The following CNOT4 variants were observed in gnomAD, a reference collection of about 807,000 sequenced individuals.
The protein encoded by CNOT4 is CCR4-associated factor 4.
In CNOT4, 8 loss-of-function variants were observed where a neutral mutation model predicts 73.8. The observed-to-expected ratio is 0.11, with a 90% CI of 0.06 to 0.20. The LOEUF (loss-of-function observed/expected upper bound fraction) is 0.20, where lower values mean the gene tolerates loss of function less well. CNOT4 is among the 10% of genes least tolerant of loss of function. CNOT4 has a pLI of 1.00. For missense variants in CNOT4, 564 were observed against 883.4 expected (o/e 0.64, Z 4.58); for synonymous variants, 293 against 321.1 (o/e 0.91, Z 0.94).
Position 135,438,337 on chromosome 7 carries a change from C to T in CNOT4, c.-6G>A, listed in dbSNP as rs568988901. 4 of 1,583,142 alleles carry T rather than the reference C, an allele frequency of 2.5e-6. No individual in the cohort carries two copies. Among genetic ancestry groups the T allele is most frequent in the African/African-American group, 1.4e-5 (1 of 73,766 alleles). On this transcript the variant is annotated 5_prime_UTR_variant, in exon 2 of 12. In the 5' UTR this introduces an upstream ATG that the reference lacks. Coordinates refer to ENST00000541284, the MANE Select transcript of CNOT4 (RefSeq NM_001190850.2). ...GCATCAGGACTGCGAGACATCTTCA[C>T]GTTTATTAAACAGCAGCAAAAGTTT...
intron 1 of CNOT4, among the ~76,000 whole-genome samples, chr7:135,506,323 T>C (rs896363090): frequency 6.6e-6 from 1 of 152,130 alleles, no homozygotes; most frequent in Non-Finnish European, 1.5e-5. Flanking sequence ...ACAGCAAAAA[T>C]CTCTATAACC....
chr7:135,463,335 C>T (rs1384540774), intron 1 of CNOT4, among the ~76,000 whole-genome samples: 1 of 152,068 alleles, frequency 6.6e-6, no homozygotes, highest in East Asian at 1.9e-4. Context: ...GTCAGGAGTT[C>T]GAGACCAGTC....
chr7:135,384,614 T>G (rs997512763), intron 10 of CNOT4: 2 of 760,246 alleles, frequency 2.6e-6, no homozygotes, highest in African/African-American at 3.4e-5. Context: ...TACCACATGC[T>G]CGTCTCAGGA....
intron 7 of CNOT4, among the ~76,000 whole-genome samples, chr7:135,405,471 TGAA>T: frequency 6.6e-6 from 1 of 152,268 alleles, no homozygotes; most frequent in Middle Eastern, 3.4e-3. Flanking sequence ...TCAATCTAAA[TGAA>T]GATATTTCAA....
intron 1 of CNOT4, among the ~76,000 whole-genome samples, chr7:135,454,992 G>A (rs752130638): frequency 6.6e-6 from 1 of 152,188 alleles, no homozygotes; most frequent in African/African-American, 2.4e-5. Context: ...AGCCACAGTG[G>A]CTCACACTAG....
At chr7:135,430,551 A>G (rs1313056092) in intron 2 of CNOT4, among the ~76,000 whole-genome samples, 1 of 152,144 alleles carries the variant, frequency 6.6e-6, no homozygotes, top group Non-Finnish European at 1.5e-5. Context: ...AGGCTGAAGC[A>G]GGAGAATTGC....
At chr7:135,388,287 G>A (rs1796224152) in intron 10 of CNOT4, 4 of 984,780 alleles carry the variant, frequency 4.1e-6, no homozygotes, top group African/African-American at 3.5e-5. Context: ...AAAAACAATC[G>A]CCAACAATAT....
intron 1 of CNOT4, among the ~76,000 whole-genome samples, chr7:135,489,391 C>CTTTTTTTTT (rs71174525): frequency 3.5e-5 from 3 of 84,746 alleles, no homozygotes; most frequent in Non-Finnish European, 4.5e-5. Flanking sequence ...AGTCACATTT[C>CTTTTTTTTT]TTTTTTTTTT....
At chr7:135,479,907 C>CAA (rs1241146605) in intron 1 of CNOT4, among the ~76,000 whole-genome samples, 1 of 151,840 alleles carries the variant, frequency 6.6e-6, no homozygotes, top group Non-Finnish European at 1.5e-5. Flanking sequence ...CAAAACAAAA[C>CAA]AAAAAGAATT....
chr7:135,479,783 G>T (rs934862773), intron 1 of CNOT4, among the ~76,000 whole-genome samples: 8 of 151,950 alleles, frequency 5.3e-5, no homozygotes, highest in Non-Finnish European at 1.2e-4. Context: ...CCAGCTACTC[G>T]AGAGGCTGAG....
chr7:135,395,130 G>A (rs1456553188), intron 9 of CNOT4, among the ~76,000 whole-genome samples: 1 of 152,152 alleles, frequency 6.6e-6, no homozygotes. Flanking sequence ...CTTCATGCCT[G>A]TAATCCCAGC....
At chr7:135,377,053 G>A (rs1795560153) in intron 10 of CNOT4, among the ~76,000 whole-genome samples, 2 of 152,136 alleles carry the variant, frequency 1.3e-5, no homozygotes, top group Admixed American at 1.3e-4. Context: ...ATCTTTAAGA[G>A]TTCTTTCTCA....
At chr7:135,435,569 G>A (rs368914852) in intron 2 of CNOT4, among the ~76,000 whole-genome samples, 4 of 151,894 alleles carry the variant, frequency 2.6e-5, no homozygotes, top group South Asian at 2.1e-4. Flanking sequence ...TTTCCTTTCC[G>A]AAAGGTACCA....
Position 135,467,719 on chromosome 7 carries a change from T to A in CNOT4, c.-92-29296A>T, listed in dbSNP as rs1406663438. Among the ~76,000 whole-genome samples, 3 of 151,332 alleles carry A rather than the reference T, an allele frequency of 2.0e-5. No individual in the cohort carries two copies. In the East Asian group the frequency reaches 5.9e-4, roughly 30 times the overall value. On this transcript the variant is annotated intron_variant, in intron 1 of 11. Transcript: ENST00000541284. ...GAGCAAGACCCTGTCTCCAAAAATT[T>A]TTTTAATTAAAAAAAGATAAAAAAC...
intron 10 of CNOT4, among the ~76,000 whole-genome samples, chr7:135,372,062 T>C (rs1006353516): frequency 6.6e-6 from 1 of 152,176 alleles, no homozygotes; most frequent in Non-Finnish European, 1.5e-5. Flanking sequence ...CCAATATGAC[T>C]TCCCCAAAAC....
At chr7:135,440,416 C>A (rs1453097253) in intron 1 of CNOT4, among the ~76,000 whole-genome samples, 1 of 151,584 alleles carries the variant, frequency 6.6e-6, no homozygotes, top group East Asian at 1.9e-4. Flanking sequence ...TGATCTAGCG[C>A]CTCTTTCAAA....
At chr7:135,375,653 G>A (rs1408949476) in intron 10 of CNOT4, among the ~76,000 whole-genome samples, 4 of 152,152 alleles carry the variant, frequency 2.6e-5, no homozygotes, top group East Asian at 3.8e-4. Context: ...GGCTGGGCGC[G>A]GTGGCTCACG....
intron 7 of CNOT4, among the ~76,000 whole-genome samples, chr7:135,403,809 C>A (rs1797129795): frequency 6.6e-6 from 1 of 152,086 alleles, no homozygotes; most frequent in South Asian, 2.1e-4. Context: ...CATCTACTAG[C>A]CTAAACATAT....
At chr7:135,386,897 T>C (rs1035471033) in intron 10 of CNOT4, 1 of 165,008 alleles carries the variant, frequency 6.1e-6, no homozygotes, top group African/African-American at 2.4e-5. Flanking sequence ...GGTATATCTC[T>C]CAACACCAAG....
Sources: allele counts gnomAD v4.1 joint callset (sites outside exome capture counted in the v4.1 genomes callset), GRCh38; gene constraint gnomAD v4.1.1; transcripts MANE v1.5; gene names NCBI Gene and HGNC (gene_info 2026-07-23, HGNC 2026-07-21).